Variants in KPTN observed in about 807,000 individuals in gnomAD.
KPTN encodes KICSTOR complex protein kaptin.
In KPTN, 36 loss-of-function variants were observed where a neutral mutation model predicts 52.6. The ratio of observed to expected loss-of-function variants is 0.68; its 90% CI spans 0.52 to 0.90. KPTN has a LOEUF of 0.90. KPTN is among the 40% of genes least tolerant of loss of function. The pLI, the probability that KPTN is intolerant of heterozygous loss-of-function variation, is 0.00. For missense variants in KPTN, 529 were observed against 576.2 expected, an observed-to-expected ratio of 0.92 and a Z score of 0.84; for synonymous variants, 271 against 248.4, an observed-to-expected ratio of 1.09 and a Z score of -0.85.
chr19:47,480,680 A>G, intron 6 of KPTN, 80 bp downstream of exon 6: 1 of 1,343,752 alleles, frequency 7.4e-7, no homozygotes, highest in Non-Finnish European at 1.1e-6. Flanking sequence ...CCGGTGACCA[A>G]TTTCTCTAAG....
intron 7 of KPTN, 133 bp from the exon 8 acceptor site, chr19:47,480,073 T>G: frequency 1.6e-5 from 4 of 252,978 alleles, no homozygotes; most frequent in South Asian, 2.5e-5. Flanking sequence ...AACCCCACCC[T>G]AGCCCCGCCC....
At position 47,480,955 on chromosome 19, in the gene KPTN, C is replaced by T; in HGVS notation, c.525+3G>A. The T allele has an allele frequency of 6.2e-7, 1 of 1,610,414 alleles. No homozygotes were observed. Among genetic ancestry groups the T allele is most frequent in the South Asian group, 1.1e-5 (1 of 90,744 alleles). On this transcript the variant is annotated splice_donor_region_variant and intron_variant, in intron 5 of 11. Transcript: ENST00000338134. ...CTCTGCCCAGCACGCCGCCCCACCT[C>T]ACCTCCTTGTAGAGATGAATGGCCG...
chr19:47,479,879 G>C lies in KPTN; in HGVS notation c.771C>G (p.Ser257Arg). Reference sequence around the variant, plus strand: ...AGAGCTCACCCTTGGCGGCCGAGAGGCTGAACACAATCACTCGGGAGATGG... The same window carrying C: ...AGAGCTCACCCTTGGCGGCCGAGAGCCTGAACACAATCACTCGGGAGATGG... ...DGPISRVIVF[S>R]LSAAKETKDR... Residue 257 changes from serine to arginine, a missense_variant, in exon 8 of 12, where the codon AGC becomes AGG. Transcript: ENST00000338134. The C allele has an allele frequency of 6.2e-7, 1 of 1,613,456 alleles. No homozygotes were observed. Among genetic ancestry groups the C allele is most frequent in the Non-Finnish European group, 8.5e-7 (1 of 1,179,698 alleles).
rs754337398 is a variant in KPTN, at chr19:47,484,088, G to A, written c.73C>T (p.Gln25Ter). The change falls in exon 1 of 12, where the codon CAG becomes TAG. Residue 25 changes from glutamine to a stop codon, truncating the protein, a stop_gained. Coordinates refer to ENST00000338134, the MANE Select transcript of KPTN (RefSeq NM_007059.4). LOFTEE classifies it high-confidence loss of function. ...REDSFTRFSSQSNVYGLAGGA... is the reference protein window; with the variant it reads ...REDSFTRFSS ...CCTGCCAGCCCGTACACATTGCTCT[G>A]CGACGAGAAGCGCGTGAAGCTGTCC... is the stretch of plus-strand genomic sequence containing the variant. The A allele has an allele frequency of 6.2e-6, 10 of 1,607,572 alleles. No homozygotes were observed. The highest frequency in any genetic ancestry group is 8.5e-6 in the Non-Finnish European group (10 of 1,179,766).
In KPTN at chr19:47,479,785, G is replaced by A. The variant is rs1016732593; in HGVS notation, c.787+78C>T. 17 of 1,222,992 alleles carry A rather than the reference G, an allele frequency of 1.4e-5. No homozygotes were observed. In the South Asian group the frequency reaches 1.4e-4, roughly 10 times the overall value. 75.8% of individuals were successfully genotyped at this position (1,222,992 alleles called of 1,614,324 possible). A position where few individuals can be genotyped will look rare whatever the true frequency, so the allele number is the denominator to read the frequency against. ...CTTTGGGAGAGGGGTGCAAATCTGG[G>A]TAGAAGGACCCAAGAATGCAGAGTT... is the stretch of plus-strand genomic sequence containing the variant. On this transcript the variant is annotated intron_variant, in intron 8 of 11. Transcript: ENST00000338134.
chr19:47,484,103 T>C lies in KPTN; in HGVS notation c.58A>G (p.Thr20Ala). 6.2e-7 allele frequency: 1 copy of C among 1,605,130 alleles called. No homozygotes were observed. Among genetic ancestry groups the C allele is most frequent in the Non-Finnish European group, 8.5e-7 (1 of 1,179,676 alleles). The change falls in exon 1 of 12, where the codon ACG becomes GCG. Residue 20 changes from threonine to alanine, a missense_variant. Thr to Ala is a moderately conservative substitution (Grantham distance 58). Transcript: ENST00000338134. ...GPCPLREDSF[T>A]RFSSQSNVYG... ...ACATTGCTCTGCGACGAGAAGCGCG[T>C]GAAGCTGTCCTCGCGCAACGGACAA...
intron 8 of KPTN, among the ~76,000 whole-genome samples, chr19:47,479,599 G>A (rs1207152117): frequency 2.6e-5 from 4 of 152,136 alleles, no homozygotes; most frequent in Admixed American, 1.3e-4. Flanking sequence ...TTACACCAAA[G>A]TGAGGAGAAC....
At chr19:47,481,212 C>T (rs996426883) in intron 4 of KPTN, among the ~76,000 whole-genome samples, 179 bp from the exon 5 acceptor site, 1 of 152,146 alleles carries the variant, frequency 6.6e-6, no homozygotes, top group Non-Finnish European at 1.5e-5. Flanking sequence ...CCTTGAAATA[C>T]ATAACTGTAG....
intron 11 of KPTN, among the ~76,000 whole-genome samples, chr19:47,475,941 A>G (rs1019330483): frequency 2.7e-5 from 4 of 150,292 alleles, no homozygotes; most frequent in Admixed American, 6.7e-5. Flanking sequence ...AGCCTGGGAA[A>G]CTGCACTCCA....
intron 1 of KPTN, 86 bp downstream of exon 1, chr19:47,483,849 C>T (rs1967977067): frequency 1.9e-6 from 3 of 1,555,886 alleles, no homozygotes; most frequent in African/African-American, 2.7e-5. Flanking sequence ...TCTTCCAGCA[C>T]GGTGACCCGG....
chr19:47,480,376 C>G lies in KPTN; in HGVS notation c.631G>C (p.Gly211Arg), dbSNP rs182019900. ...AGAGCTGAGAGGCGCCGGGACGTGC[C>G]GGGGAAGTTGTGGACGTCCAGCCAG... ...VLWLDVHNFP[G>R]TSRRLSALGC... is the part of the protein sequence containing the mutation. The change falls in exon 7 of 12, where the codon GGC (glycine) becomes CGC (arginine). Residue 211 changes from glycine (G) to arginine (R), a missense_variant. Gly to Arg is a moderately radical substitution (Grantham distance 125, BLOSUM62 -2). Coordinates refer to ENST00000338134, the MANE Select transcript of KPTN (RefSeq NM_007059.4). 2,252 of 1,549,276 alleles carry G rather than the reference C, an allele frequency of 1.5e-3. 24 individuals are homozygous for G. In the African/African-American group the frequency reaches 0.027, roughly 19 times the overall value.
intron 4 of KPTN, among the ~76,000 whole-genome samples, chr19:47,482,281 G>C (rs1472894826): frequency 6.6e-6 from 1 of 152,142 alleles, no homozygotes; most frequent in Non-Finnish European, 1.5e-5. Flanking sequence ...CTGAGGTCAG[G>C]AGTTCGAGAC....
intron 8 of KPTN, among the ~76,000 whole-genome samples, chr19:47,478,524 G>A (rs1294383406): frequency 7.6e-6 from 1 of 131,208 alleles, no homozygotes. Context: ...GTGATAGTGA[G>A]CCGAGATTGT....
chr19:47,476,868 A>G lies in KPTN; in HGVS notation c.934T>C (p.Cys312Arg), dbSNP rs749418071. The change falls in exon 10 of 12, where the codon TGC (cysteine) becomes CGC (arginine). Residue 312 changes from cysteine (C) to arginine (R), a missense_variant. Coordinates refer to ENST00000338134, the MANE Select transcript of KPTN (RefSeq NM_007059.4). ...PGSDQFDSVL[C>R]SLVTDVDLDG... is the part of the protein sequence containing the mutation. ...AAATCCACATCGGTGACCAGGCTGC[A>G]GAGGACGCTGTCAAACTGGTCACTG... is the stretch of plus-strand genomic sequence containing the variant. The G allele has an allele frequency of 1.3e-6, 2 of 1,570,354 alleles. No homozygotes were observed. The highest frequency in any genetic ancestry group is 1.7e-6 in the Non-Finnish European group (2 of 1,157,210).
chr19:47,478,131 C>T (rs1462001407), intron 8 of KPTN, among the ~76,000 whole-genome samples: 2 of 151,900 alleles, frequency 1.3e-5, no homozygotes, highest in East Asian at 3.9e-4. Flanking sequence ...TTCCAGGCTC[C>T]TCGTCATACC....
chr19:47,476,853 C>G lies in KPTN; in HGVS notation c.949G>C (p.Asp317His). 1 of 1,576,516 alleles carries G rather than the reference C, an allele frequency of 6.3e-7. No homozygotes were observed. Among genetic ancestry groups the G allele is most frequent in the Non-Finnish European group, 8.6e-7 (1 of 1,160,650 alleles). ...TCTGGCCGCCCATCCAAATCCACAT[C>G]GGTGACCAGGCTGCAGAGGACGCTG... Reference protein sequence around the residue: ...FDSVLCSLVTDVDLDGRPEVL... With the variant: ...FDSVLCSLVTHVDLDGRPEVL... Residue 317 changes from aspartate to histidine, a missense_variant, in exon 10 of 12, where the codon GAT (aspartate) becomes CAT (histidine). Coordinates refer to ENST00000338134, the MANE Select transcript of KPTN (RefSeq NM_007059.4).
At position 47,480,746 on chromosome 19, in the gene KPTN, G is replaced by C. The variant is rs370547502; in HGVS notation, c.599+14C>G. The C allele has an allele frequency of 1.9e-6, 3 of 1,613,132 alleles. 1 individual carries two copies. The highest frequency in any genetic ancestry group is 2.5e-6 in the Non-Finnish European group (3 of 1,179,328). ...GCCCCGGTCCCCAGTGGCCTCTTTCGGGGCCTCTCCTACCTACTGGTCAGG... is the reference window on the plus strand; with the variant it reads ...GCCCCGGTCCCCAGTGGCCTCTTTCCGGGCCTCTCCTACCTACTGGTCAGG... On this transcript the variant is annotated intron_variant, in intron 6 of 11. Transcript: ENST00000338134.
chr19:47,481,497 G>T (rs1967877425), intron 4 of KPTN: 1 of 157,552 alleles, frequency 6.3e-6, no homozygotes, highest in African/African-American at 2.4e-5. Flanking sequence ...ATAGATTTCA[G>T]ATTCACGGAA....
chr19:47,476,985 C>A, intron 9 of KPTN, 47 bp from the exon 10 acceptor site: 1 of 1,537,756 alleles, frequency 6.5e-7, no homozygotes, highest in Non-Finnish European at 8.8e-7. Flanking sequence ...GCTTGCAGTG[C>A]CCAGCACCCT....
Sources: gnomAD v4.1 joint callset for allele counts (sites outside exome capture counted in the v4.1 genomes callset) on GRCh38, gnomAD v4.1.1 for gene constraint, MANE v1.5 for transcripts, NCBI Gene and HGNC (gene_info 2026-07-23, HGNC 2026-07-21) for gene names.